Variants in FGD6 observed in about 807,000 individuals in gnomAD.
The protein encoded by FGD6 is FYVE, RhoGEF and PH domain-containing protein 6.
Under a neutral mutation model 149.4 loss-of-function variants are expected in FGD6, and 90 were observed. The observed-to-expected ratio is 0.60, with a 90% CI of 0.51 to 0.72. The LOEUF is 0.72. Ranked by LOEUF, FGD6 falls within the 30% of genes least tolerant of loss-of-function variation. FGD6 has a pLI of 0.00. For synonymous variants in FGD6, 527 were observed against 584.0 expected, an observed-to-expected ratio of 0.90 and a Z score of 1.41; for missense variants, 1,437 against 1,684.8, an observed-to-expected ratio of 0.85 and a Z score of 2.57.
intron 20 of FGD6, among the ~76,000 whole-genome samples, chr12:95,083,474 A>C (rs913109273): frequency 6.6e-6 from 1 of 152,196 alleles, no homozygotes; most frequent in East Asian, 1.9e-4. Context: ...AAGAAAGCTA[A>C]TATCTGACAA....
chr12:95,139,662 T>A (rs1318999098), intron 6 of FGD6, among the ~76,000 whole-genome samples: 2 of 105,522 alleles, frequency 1.9e-5, no homozygotes, highest in Non-Finnish European at 3.8e-5. Context: ...TATCATGACT[T>A]TTTTTTTTTT....
intron 9 of FGD6, among the ~76,000 whole-genome samples, chr12:95,109,283 A>C (rs1878734435): frequency 6.6e-6 from 1 of 152,206 alleles, no homozygotes; most frequent in Non-Finnish European, 1.5e-5. Context: ...TTGGGGCTGC[A>C]GTTATTCTCA....
intron 13 of FGD6, among the ~76,000 whole-genome samples, chr12:95,106,434 CTAATTTT>C (rs1165135099): frequency 1.3e-5 from 1 of 76,526 alleles, no homozygotes; most frequent in Non-Finnish European, 2.7e-5. Context: ...CCACGCCTGG[CTAATTTT>C]TGTTTGTTTT....
At chr12:95,130,365 CTT>C (rs1879484784) in intron 8 of FGD6, among the ~76,000 whole-genome samples, 1 of 152,108 alleles carries the variant, frequency 6.6e-6, no homozygotes, top group Non-Finnish European at 1.5e-5. Context: ...CAGCCTGAAA[CTT>C]AAAACAGCAA....
At chr12:95,171,803 C>A (rs1214495773) in intron 3 of FGD6, among the ~76,000 whole-genome samples, 1 of 152,118 alleles carries the variant, frequency 6.6e-6, no homozygotes, top group Non-Finnish European at 1.5e-5. Context: ...GTGTGAACCA[C>A]CGTGCCCAGC....
At chr12:95,196,165 G>C (rs569293903) in intron 2 of FGD6, among the ~76,000 whole-genome samples, 1 of 152,130 alleles carries the variant, frequency 6.6e-6, no homozygotes, top group Non-Finnish European at 1.5e-5. Flanking sequence ...GAGTAATTTC[G>C]TATTTTTAAA....
At chr12:95,215,327 C>T (rs1026772146) in intron 1 of FGD6, among the ~76,000 whole-genome samples, 1 of 152,064 alleles carries the variant, frequency 6.6e-6, no homozygotes, top group East Asian at 1.9e-4. Flanking sequence ...TTCCAAATAC[C>T]ACAGATTAGA....
chr12:95,112,859 T>C (rs1410082084), intron 9 of FGD6, among the ~76,000 whole-genome samples: 1 of 152,216 alleles, frequency 6.6e-6, no homozygotes, highest in East Asian at 1.9e-4. Context: ...TATCCTATTG[T>C]TAGACAGTGC....
intron 9 of FGD6, among the ~76,000 whole-genome samples, chr12:95,111,618 C>T (rs969367140): frequency 6.6e-6 from 1 of 152,144 alleles, no homozygotes; most frequent in Non-Finnish European, 1.5e-5. Context: ...AGCTTCCCTG[C>T]CTCTTTAACC....
rs1401618243 is a variant in FGD6 at position 95,134,179 on chromosome 12, G to C, written c.3082+560C>G. On this transcript the variant is annotated intron_variant, in intron 8 of 20. Coordinates refer to ENST00000343958, the MANE Select transcript of FGD6 (RefSeq NM_018351.4). ...ACAGGGGTCTATGTTTCCCAGGATA[G>C]TCTCAAACTCCTGGGCTCAAAGATC... Among the ~76,000 whole-genome samples the C allele has an allele frequency of 4.6e-5, 7 of 152,128 alleles. No individual in the cohort carries two copies. The East Asian group carries it at 7.7e-4, about 17-fold the overall frequency.
chr12:95,140,820 T>C (rs527448742), intron 6 of FGD6, among the ~76,000 whole-genome samples: 31 of 152,310 alleles, frequency 2.0e-4, no homozygotes, highest in Admixed American at 5.2e-4. Flanking sequence ...AGTTCACCTA[T>C]AGAAATTTAA....
At chr12:95,208,817 A>T (rs1184828483) in intron 2 of FGD6, 26 bp downstream of exon 2, 1 of 1,591,354 alleles carries the variant, frequency 6.3e-7, no homozygotes, top group Non-Finnish European at 8.6e-7. Flanking sequence ...TGATGCATGC[A>T]AAAGTGTCTG....
At position 95,133,997 on chromosome 12, in the gene FGD6, A is replaced by G. The variant is rs543177065; in HGVS notation, c.3082+742T>C. 2.9e-4 allele frequency among the ~76,000 whole-genome samples: 44 copies of G among 152,306 alleles called. No individual in the cohort carries two copies. In the South Asian group the frequency reaches 6.2e-3, roughly 22 times the overall value. On this transcript the variant is annotated intron_variant, in intron 8 of 20. Transcript: ENST00000343958. ...TCTTTTTTCCTTACTAAACAGACAT[A>G]GCTCTATAATCTTGAAGCTTACAGT...
chr12:95,089,765 A>G, intron 17 of FGD6, 69 bp from the exon 18 acceptor site: 1 of 1,577,730 alleles, frequency 6.3e-7, no homozygotes, highest in South Asian at 1.2e-5. Flanking sequence ...ATTCAAATCC[A>G]TAAACACTGT....
intron 2 of FGD6, among the ~76,000 whole-genome samples, chr12:95,185,654 A>G (rs1385186140): frequency 6.6e-6 from 1 of 152,182 alleles, no homozygotes; most frequent in African/African-American, 2.4e-5. Flanking sequence ...TGAGGTCAGG[A>G]GTTCGAGACC....
At position 95,081,325 on chromosome 12, in the gene FGD6, T is replaced by G; in HGVS notation, c.*195A>C. 2.4e-6 allele frequency: 1 copy of G among 416,126 alleles called. No individual in the cohort carries two copies. Among genetic ancestry groups the G allele is most frequent in the Non-Finnish European group, 4.3e-6 (1 of 232,394 alleles). 25.8% of individuals were successfully genotyped at this position (416,126 alleles called of 1,614,324 possible). A position where few individuals can be genotyped will look rare whatever the true frequency, so the allele number is the denominator to read the frequency against. On this transcript the variant is annotated 3_prime_UTR_variant, in exon 21 of 21. Coordinates refer to ENST00000343958, the MANE Select transcript of FGD6 (RefSeq NM_018351.4). ...TGACCATTAAGTAAACATCAAAATT[T>G]TAATAAATAACATAAATGAAAAAAC...
intron 2 of FGD6, among the ~76,000 whole-genome samples, chr12:95,207,095 G>C (rs1482141737): frequency 6.6e-6 from 1 of 151,798 alleles, no homozygotes; most frequent in Admixed American, 6.6e-5. Flanking sequence ...TGTCGTGGGA[G>C]GGACCCGGTG....
chr12:95,210,027 A>T lies in FGD6; in HGVS notation c.1257T>A (p.Asp419Glu). 1.2e-6 allele frequency: 2 copies of T among 1,613,834 alleles called. No homozygotes were observed. The highest frequency in any genetic ancestry group is 1.7e-6 in the Non-Finnish European group (2 of 1,179,948). Residue 419 changes from aspartate (D) to glutamate (E), a missense_variant, in exon 2 of 21, where the codon GAT (aspartate) becomes GAA (glutamate). Physicochemically the swap from Asp to Glu is conservative, Grantham distance 45 (BLOSUM62 2). This residue lies in a region of FGD6 where 1,055 missense variants were observed against 1,146.0 expected (regional missense o/e 0.92). Transcript: ENST00000343958. ...TSFEKMAPSF[D>E]KDSNLSSDST... Reference sequence around the variant, plus strand: ...TGTCAGAACTCAAATTAGAGTCTTTATCAAAAGAAGGTGCCATTTTTTCAA... The same window carrying T: ...TGTCAGAACTCAAATTAGAGTCTTTTTCAAAAGAAGGTGCCATTTTTTCAA...
At position 95,156,477 on chromosome 12, in the gene FGD6, C is replaced by T. The variant is rs147886066; in HGVS notation, c.2587-3484G>A. Among the ~76,000 whole-genome samples the T allele has an allele frequency of 1.0e-3, 155 of 152,210 alleles. 1 individual carries two copies. The highest frequency in any genetic ancestry group is 3.7e-3 in the African/African-American group (154 of 41,534). ...CCGCCTAAAAAATTTTTGGTCAGAC[C>T]GGTTGTCTGCTCTCAAACCCTGTCT... On this transcript the variant is annotated intron_variant, in intron 3 of 20. Transcript: ENST00000343958.
Sources: gnomAD v4.1 joint callset for allele counts (sites outside exome capture counted in the v4.1 genomes callset) on GRCh38, gnomAD v4.1.1 for gene constraint, gnomAD v4.1.1 regional missense constraint, MANE v1.5 for transcripts, NCBI Gene and HGNC (gene_info 2026-07-23, HGNC 2026-07-21) for gene names.